The following MYH7B variants were observed in gnomAD, a reference collection of about 807,000 sequenced individuals.
MYH7B encodes the protein myosin-7B.
A neutral mutation model predicts 234.5 loss-of-function variants in MYH7B; 205 were observed. The observed-to-expected ratio is 0.87, with a 90% CI of 0.78 to 0.98. The LOEUF (loss-of-function observed/expected upper bound fraction) is 0.98, where lower values mean the gene tolerates loss of function less well. Among genes scored for constraint, MYH7B ranks in the 50% least tolerant of loss-of-function variants. The pLI is 0.00. For missense variants in MYH7B, 2,652 were observed against 2,633.4 expected, an observed-to-expected ratio of 1.01 and a Z score of -0.15; for synonymous variants, 1,193 against 1,105.0, an observed-to-expected ratio of 1.08 and a Z score of -1.58.
intron 10 of MYH7B, among the ~76,000 whole-genome samples, chr20:34,983,461 TG>T (rs1311713456): frequency 6.6e-6 from 1 of 152,108 alleles, no homozygotes; most frequent in Non-Finnish European, 1.5e-5. Context: ...AAAAGGTCTC[TG>T]GGGACGTAAC....
chr20:34,981,332 C>G (rs1342423696), intron 9 of MYH7B: 3 of 427,806 alleles, frequency 7.0e-6, no homozygotes, highest in Non-Finnish European at 1.2e-5. Flanking sequence ...GGCCTGGAAT[C>G]TCCCACCTTG....
exon 27 of MYH7B, chr20:34,994,159 A>C (rs79646482): frequency 4.3e-6 from 7 of 1,613,118 alleles, no homozygotes; most frequent in Admixed American, 1.7e-5. Context: ...TGCGCTGTTC[A>C]CCATCCAGTG....
At position 34,982,469 on chromosome 20, in the gene MYH7B, GGGGCCGGTAAGAC is replaced by G; in HGVS notation, c.541_553del (p.Ala181LeufsTer55). ...TTTGTGTCGTCCAAGCGGAGAGTCGGGGGCCGGTAAGACGGTTAACACCAAGCGGGTCATTCAG... is the reference window on the plus strand; with the variant it reads ...TTTGTGTCGTCCAAGCGGAGAGTCGGGGTTAACACCAAGCGGGTCATTCAG... On this transcript the variant is annotated frameshift_variant, in exon 10 of 45. Transcript: ENST00000262873. LOFTEE classifies it high-confidence loss of function. 6.2e-7 allele frequency: 1 copy of G among 1,614,062 alleles called. No individual in the cohort carries two copies. Among genetic ancestry groups the G allele is most frequent in the Non-Finnish European group, 8.5e-7 (1 of 1,180,004 alleles).
intron 10 of MYH7B, 103 bp from the exon 11 acceptor site, chr20:34,984,589 C>T: frequency 9.9e-7 from 1 of 1,014,552 alleles, no homozygotes; most frequent in South Asian, 1.4e-5. Flanking sequence ...CTAACTCCAC[C>T]CCCCTGTCCT....
intron 3 of MYH7B, among the ~76,000 whole-genome samples, chr20:34,976,188 C>T (rs888008148): frequency 6.6e-6 from 1 of 152,216 alleles, no homozygotes; most frequent in Non-Finnish European, 1.5e-5. Flanking sequence ...CAGCCATTAC[C>T]CTCCCTCAGA....
chr20:35,002,413 A>AAATAAAGTTATTT (rs2082411602), exon 45 of MYH7B: 1 of 425,528 alleles, frequency 2.4e-6, no homozygotes, highest in Non-Finnish European at 4.1e-6. Flanking sequence ...GTCATTTTTA[A>AAATAAAGTTATTT]AATAAAGTTA....
At chr20:34,998,686 G>A (rs764298051) in intron 34 of MYH7B, 33 bp from the exon 35 acceptor site, 34 of 1,611,736 alleles carry the variant, frequency 2.1e-5, no homozygotes, top group African/African-American at 4.0e-5. Context: ...CCACTGGGCT[G>A]CACTAACGCT....
chr20:34,976,326 C>A (rs148295976), intron 3 of MYH7B, among the ~76,000 whole-genome samples: 1 of 152,204 alleles, frequency 6.6e-6, no homozygotes, highest in African/African-American at 2.4e-5. Flanking sequence ...GGAATGGGAG[C>A]GCATCGGTCG....
chr20:34,993,364 C>T lies in MYH7B; in HGVS notation c.2338C>T (p.Leu780=), dbSNP rs377142581. Reference sequence around the variant, plus strand: ...CTTCAAGGCTGGGCTTCTAGGCGTCCTGGAAGAGCTCCGTGACCAGCGCCT... The same window carrying T: ...CTTCAAGGCTGGGCTTCTAGGCGTCTTGGAAGAGCTCCGTGACCAGCGCCT... Residue 780 remains leucine (L), a synonymous_variant, in exon 26 of 45, where the codon CTG becomes TTG. Coordinates refer to ENST00000262873, the Ensembl canonical transcript of MYH7B. 7.4e-6 allele frequency: 12 copies of T among 1,613,992 alleles called. 1 individual carries two copies. The highest frequency in any genetic ancestry group is 6.7e-5 in the African/African-American group (5 of 75,066).
intron 23 of MYH7B, 31 bp from the exon 24 acceptor site, chr20:34,990,973 G>C (rs766507667): frequency 5.7e-6 from 9 of 1,592,818 alleles, no homozygotes; most frequent in Non-Finnish European, 7.7e-6. Flanking sequence ...TGTGCCTGTT[G>C]ACCTCTGACC....
At position 34,993,096 on chromosome 20, in the gene MYH7B, T is replaced by C. The variant is rs1340252228; in HGVS notation, c.2184-6T>C. 6.2e-7 allele frequency: 1 copy of C among 1,610,082 alleles called. No homozygotes were observed. Among genetic ancestry groups the C allele is most frequent in the Non-Finnish European group, 8.5e-7 (1 of 1,177,176 alleles). On this transcript the variant is annotated splice_polypyrimidine_tract_variant and splice_region_variant and intron_variant, in intron 24 of 44. Transcript: ENST00000262873. The stretch of plus-strand genomic sequence containing the variant: ...TCTCCTGACCAGCTCTGCCCTCCTT[T>C]CCCAGGTACCGTATCCTGAACCCCA...
chr20:34,957,199 C>T (rs1356039833), intron 1 of MYH7B, among the ~76,000 whole-genome samples: 2 of 152,190 alleles, frequency 1.3e-5, no homozygotes, highest in African/African-American at 4.8e-5. Context: ...GAGAGGTAGC[C>T]TCAGACGCCA....
At chr20:34,999,943 GC>G (rs1399471717) in intron 38 of MYH7B, 37 bp downstream of exon 38, 2 of 1,569,934 alleles carry the variant, frequency 1.3e-6, no homozygotes, top group Non-Finnish European at 1.7e-6. Flanking sequence ...CCTCCCGAGA[GC>G]AGAAGGGGAG....
At chr20:34,995,651 C>A in intron 28 of MYH7B, 73 bp downstream of exon 28, 2 of 1,585,338 alleles carry the variant, frequency 1.3e-6, no homozygotes, top group East Asian at 2.3e-5. Context: ...GCTGCAGGTC[C>A]CACCCCGGCT....
intron 2 of MYH7B, among the ~76,000 whole-genome samples, chr20:34,971,687 C>T (rs934149199): frequency 3.9e-5 from 6 of 152,226 alleles, no homozygotes; most frequent in East Asian, 1.9e-4. Context: ...TTCCTGCCAC[C>T]GGCCTCACCC....
At chr20:35,000,577 C>G in exon 39 of MYH7B, 1 of 1,569,434 alleles carries the variant, frequency 6.4e-7, no homozygotes, top group Non-Finnish European at 8.6e-7. Flanking sequence ...TCGCTGCTGG[C>G]TGCGGAGCTG....
intron 5 of MYH7B, 70 bp from the exon 6 acceptor site, chr20:34,979,320 T>A: frequency 8.0e-7 from 1 of 1,243,956 alleles, no homozygotes; most frequent in Non-Finnish European, 1.1e-6. Context: ...TACCATGGCT[T>A]GGGAACTCCA....
intron 2 of MYH7B, among the ~76,000 whole-genome samples, chr20:34,972,675 G>C (rs561440445): frequency 6.6e-6 from 1 of 152,238 alleles, no homozygotes; most frequent in African/African-American, 2.4e-5. Context: ...TGTTGCCCAC[G>C]CTGGAGTGCA....
intron 19 of MYH7B, 45 bp from the exon 20 acceptor site, chr20:34,989,695 A>G (rs753875255): frequency 1.3e-6 from 2 of 1,585,682 alleles, no homozygotes; most frequent in East Asian, 2.2e-5. Flanking sequence ...TCCTTCCAGG[A>G]TGGACTGGCT....
Sources: allele counts gnomAD v4.1 joint callset (sites outside exome capture counted in the v4.1 genomes callset), GRCh38; gene constraint gnomAD v4.1.1; transcripts MANE v1.5; gene names NCBI Gene and HGNC (gene_info 2026-07-23, HGNC 2026-07-21).